LPIN2: variants seen among roughly 807,000 people sequenced by gnomAD.
LPIN2 encodes lipin 2, also known as phosphatidate phosphatase LPIN2.
A neutral mutation model predicts 111.4 loss-of-function variants in LPIN2; 55 were observed. The ratio of observed to expected loss-of-function variants is 0.49; its 90% CI spans 0.40 to 0.62. The LOEUF is 0.62. Among genes scored for constraint, LPIN2 ranks in the 20% least tolerant of loss-of-function variants. The probability of loss-of-function intolerance (pLI) is 0.00; values close to 1 mark genes in which losing one functional copy is unlikely to be tolerated. For synonymous variants in LPIN2, 425 were observed against 414.0 expected, an observed-to-expected ratio of 1.03 and a Z score of -0.32; for missense variants, 992 against 1,112.1, an observed-to-expected ratio of 0.89 and a Z score of 1.54.
Position 2,920,204 on chromosome 18 carries a change from G to T in LPIN2, c.*89C>A. ...GAAGCACCCGTCCCCGCTGGGGAAG[G>T]CTGGTATCTGAGGTCAGCAGAAGAG... On this transcript the variant is annotated 3_prime_UTR_variant, in exon 20 of 20. Coordinates refer to ENST00000677752, the MANE Select transcript of LPIN2 (RefSeq NM_001375808.2). 4 of 1,560,698 alleles carry T rather than the reference G, an allele frequency of 2.6e-6. No individual in the cohort carries two copies. The highest frequency in any genetic ancestry group is 1.7e-5 in the Admixed American group (1 of 59,884).
At position 2,954,495 on chromosome 18, in the gene LPIN2, C is replaced by T; in HGVS notation, c.288+9G>A. 6.2e-7 allele frequency: 1 copy of T among 1,604,584 alleles called. No homozygotes were observed. Among genetic ancestry groups the T allele is most frequent in the East Asian group, 2.2e-5 (1 of 44,838 alleles). On this transcript the variant is annotated intron_variant, in intron 3 of 19. Transcript: ENST00000677752. ...CTGTGTAAGGAGGGTGTAACCCATG[C>T]AAACTTACATATTCTTCTTCAGTCT... is the stretch of plus-strand genomic sequence containing the variant.
At chr18:2,923,399 GAC>G (rs1177518577) in intron 16 of LPIN2, among the ~76,000 whole-genome samples, 3 of 65,500 alleles carry the variant, frequency 4.6e-5, no homozygotes. Flanking sequence ...CAGCCTGGGC[GAC>G]AAGAGCAAAA....
Position 2,951,449 on chromosome 18 carries a change from TAAA to T in LPIN2, c.289-96_289-94del, listed in dbSNP as rs10570659. 0.08 allele frequency: 58,911 copies of T among 739,760 alleles called. 2 individuals are homozygous for T. The highest frequency in any genetic ancestry group is 0.098 in the East Asian group (2,877 of 29,366). The allele number at this position is 739,760 out of a possible 1,614,324, so 45.8% of individuals were successfully genotyped here. ...TTGAATATATAAATTTTCACCATGG[TAAA>T]AAAAAAAAAAATACATATTCCCTAA... On this transcript the variant is annotated intron_variant, in intron 3 of 19. Coordinates refer to ENST00000677752, the MANE Select transcript of LPIN2 (RefSeq NM_001375808.2).
chr18:2,933,427 A>C (rs1285167085), intron 8 of LPIN2, among the ~76,000 whole-genome samples: 1 of 152,226 alleles, frequency 6.6e-6, no homozygotes, highest in African/African-American at 2.4e-5. Context: ...CCTACTGTTA[A>C]AATAAAGCCG....
intron 4 of LPIN2, among the ~76,000 whole-genome samples, chr18:2,942,945 T>C (rs1481804959): frequency 3.9e-5 from 6 of 152,212 alleles, no homozygotes; most frequent in African/African-American, 9.6e-5. Context: ...GAGCAAAAGA[T>C]GTAAACGGTG....
intron 15 of LPIN2, among the ~76,000 whole-genome samples, chr18:2,924,073 T>C (rs1012255848): frequency 2.6e-5 from 4 of 152,196 alleles, no homozygotes; most frequent in South Asian, 2.1e-4. Flanking sequence ...GCGCCAGATG[T>C]GTGTGTTCGG....
chr18:2,950,553 T>C (rs548348097), intron 4 of LPIN2: 1 of 166,682 alleles, frequency 6.0e-6, no homozygotes, highest in East Asian at 1.7e-4. Context: ...CCCCAAGCGG[T>C]GCTGACATGA....
chr18:3,003,037 C>T (rs2078457782), intron 1 of LPIN2, among the ~76,000 whole-genome samples: 1 of 152,238 alleles, frequency 6.6e-6, no homozygotes, highest in African/African-American at 2.4e-5. Context: ...TCCAGTTTAA[C>T]ATATGACCTC....
At chr18:2,994,600 T>C (rs981677912) in intron 1 of LPIN2, among the ~76,000 whole-genome samples, 4 of 152,268 alleles carry the variant, frequency 2.6e-5, no homozygotes, top group African/African-American at 9.6e-5. Context: ...CGAACATTTA[T>C]CTTTTCTTTG....
intron 1 of LPIN2, among the ~76,000 whole-genome samples, chr18:3,012,299 A>G (rs772159178): frequency 3.9e-5 from 6 of 152,234 alleles, no homozygotes; most frequent in Non-Finnish European, 7.3e-5. Context: ...TCGGAAAGGA[A>G]GGGTGATCTT....
At chr18:2,990,677 A>G in intron 1 of LPIN2, 1 of 281,092 alleles carries the variant, frequency 3.6e-6, no homozygotes, top group Non-Finnish European at 7.2e-6. Flanking sequence ...CACCTCATCC[A>G]TGACTCTCCA....
intron 3 of LPIN2, among the ~76,000 whole-genome samples, chr18:2,953,114 A>C (rs865785497): frequency 6.6e-6 from 1 of 152,242 alleles, no homozygotes; most frequent in Non-Finnish European, 1.5e-5. Context: ...TTTAAGGAGA[A>C]GCATACTACA....
intron 15 of LPIN2, 141 bp from the exon 16 acceptor site, chr18:2,924,002 C>A: frequency 1.3e-6 from 1 of 747,018 alleles, no homozygotes. Context: ...CTTCAAGCAA[C>A]TGCAAGGCCA....
chr18:2,922,042 G>A lies in LPIN2; in HGVS notation c.2327+5C>T. ...TGGGCAGAGGGCTGCCTGCCGGAGA[G>A]GTACCTGTGGAAGGCGGAGAACAAG... is the stretch of plus-strand genomic sequence containing the variant. On this transcript the variant is annotated splice_donor_5th_base_variant and intron_variant, in intron 17 of 19. Coordinates refer to ENST00000677752, the MANE Select transcript of LPIN2 (RefSeq NM_001375808.2). The A allele has an allele frequency of 6.2e-7, 1 of 1,611,458 alleles. No homozygotes were observed. Among genetic ancestry groups the A allele is most frequent in the East Asian group, 2.2e-5 (1 of 44,812 alleles).
At chr18:2,988,111 T>C (rs928450206) in intron 1 of LPIN2, among the ~76,000 whole-genome samples, 1 of 149,474 alleles carries the variant, frequency 6.7e-6, no homozygotes, top group Non-Finnish European at 1.5e-5. Flanking sequence ...CTTAAATGGG[T>C]CCCCAACAGA....
At chr18:3,002,114 A>T (rs2078442314) in intron 1 of LPIN2, among the ~76,000 whole-genome samples, 1 of 152,066 alleles carries the variant, frequency 6.6e-6, no homozygotes, top group Admixed American at 6.5e-5. Flanking sequence ...CTAAAACAAA[A>T]GTCCTATTTC....
At chr18:2,968,614 C>G (rs182214367) in intron 1 of LPIN2, among the ~76,000 whole-genome samples, 1 of 152,076 alleles carries the variant, frequency 6.6e-6, no homozygotes, top group African/African-American at 2.4e-5. Context: ...CTTCAAGCAG[C>G]AGAAAATATT....
chr18:2,982,633 C>CA (rs1567852815), intron 1 of LPIN2: 1 of 1,052,846 alleles, frequency 9.5e-7, no homozygotes, highest in Non-Finnish European at 1.3e-6. Context: ...GAGCAAGCAG[C>CA]GAAGGGAGCA....
At chr18:3,000,288 A>G (rs184436218) in intron 1 of LPIN2, among the ~76,000 whole-genome samples, 1 of 152,184 alleles carries the variant, frequency 6.6e-6, no homozygotes, top group African/African-American at 2.4e-5. Flanking sequence ...CAGAAACAGG[A>G]GAGGAAAAAA....
Sources: allele counts gnomAD v4.1 joint callset (sites outside exome capture counted in the v4.1 genomes callset), GRCh38; gene constraint gnomAD v4.1.1; transcripts MANE v1.5; gene names NCBI Gene and HGNC (gene_info 2026-07-23, HGNC 2026-07-21).